PGLS: variants seen among roughly 807,000 people sequenced by gnomAD.
PGLS encodes the protein 6-phosphogluconolactonase.
In PGLS, 21 loss-of-function variants were observed where a neutral mutation model predicts 23.2. The ratio of observed to expected loss-of-function variants is 0.91; its 90% CI spans 0.64 to 1.31. The LOEUF (loss-of-function observed/expected upper bound fraction) is 1.31, where lower values mean the gene tolerates loss of function less well. Among genes scored for constraint, PGLS ranks in the 50% most tolerant of loss-of-function variants. The pLI is 0.00. For synonymous variants in PGLS, 179 were observed against 165.4 expected (o/e 1.08, Z -0.63); for missense variants, 410 against 354.0 (o/e 1.16, Z -1.27).
chr19:17,517,536 A>G (rs1387292950), intron 3 of PGLS, 147 bp downstream of exon 3: 2 of 948,976 alleles, frequency 2.1e-6, no homozygotes, highest in Admixed American at 4.5e-5. Context: ...TGCTGGGCTC[A>G]ATCCTTTCAG....
At position 17,517,761 on chromosome 19, in the gene PGLS, C is replaced by T. The variant is rs371336121; in HGVS notation, c.550C>T (p.Gln184Ter). The change falls in exon 4 of 5, where the codon CAG becomes TAG. Residue 184 changes from glutamine to a stop codon, truncating the protein, a stop_gained. Coordinates refer to ENST00000252603, the MANE Select transcript of PGLS (RefSeq NM_012088.3). LOFTEE classifies it high-confidence loss of function. ...PISDSPKPPP[Q>*]RVTLTLPVLN... The stretch of plus-strand genomic sequence containing the variant: ...CAGTGACTCCCCGAAGCCACCGCCA[C>T]AGCGTGTGACCCTCACACTACCTGT... 15 of 1,613,968 alleles carry T rather than the reference C, an allele frequency of 9.3e-6. No individual in the cohort carries two copies. The highest frequency in any genetic ancestry group is 1.2e-5 in the Non-Finnish European group (14 of 1,179,970).
chr19:17,517,778 A>G lies in PGLS; in HGVS notation c.567A>G (p.Thr189=), dbSNP rs6743. The G allele has an allele frequency of 0.55, 881,633 of 1,613,680 alleles. 244,768 individuals carry two copies. Among genetic ancestry groups the G allele is most frequent in the African/African-American group, 0.79 (58,918 of 74,954 alleles). The change falls in exon 4 of 5, where the codon ACA becomes ACG. Residue 189 remains threonine (T), a synonymous_variant. Coordinates refer to ENST00000252603, the MANE Select transcript of PGLS (RefSeq NM_012088.3). Reference sequence around the variant, plus strand: ...CACCGCCACAGCGTGTGACCCTCACACTACCTGTCCTGAATGCAGCACGAA... The same window carrying G: ...CACCGCCACAGCGTGTGACCCTCACGCTACCTGTCCTGAATGCAGCACGAA... ...PKPPPQRVTL[T]LPVLNAARTV...
chr19:17,520,825 C>A, intron 4 of PGLS, 119 bp from the exon 5 acceptor site: 1 of 1,122,486 alleles, frequency 8.9e-7, no homozygotes, highest in Non-Finnish European at 1.2e-6. Flanking sequence ...CTGAGCTGGG[C>A]ATTGTCACAT....
chr19:17,518,542 T>A (rs1446409335), intron 4 of PGLS: 2 of 152,102 alleles, frequency 1.3e-5, no homozygotes, highest in African/African-American at 4.8e-5. Context: ...TTTGTGTTAT[T>A]GTTGTTGAGA....
chr19:17,512,002 C>T, intron 1 of PGLS, 42 bp downstream of exon 1: 1 of 1,510,118 alleles, frequency 6.6e-7, no homozygotes, highest in Non-Finnish European at 8.9e-7. Context: ...CCGAGAGGGC[C>T]ACAGCCACCG....
chr19:17,517,244 C>T, intron 2 of PGLS, 44 bp from the exon 3 acceptor site: 2 of 1,276,286 alleles, frequency 1.6e-6, no homozygotes, highest in Non-Finnish European at 2.3e-6. Context: ...TCCCCTGCCC[C>T]TGCCACCTAC....
At chr19:17,517,928 T>C (rs8104468) in intron 4 of PGLS, 78 bp downstream of exon 4, 669,924 of 1,488,418 alleles carry the variant, frequency 0.45, 153,098 homozygotes, top group Non-Finnish European at 0.47. Context: ...CCAGACATTA[T>C]TGTGCTGAAG....
chr19:17,516,479 C>G, intron 2 of PGLS, 199 bp downstream of exon 2: 2 of 1,387,874 alleles, frequency 1.4e-6, no homozygotes, highest in Non-Finnish European at 1.9e-6. Context: ...GCCCAGGTAA[C>G]AGGCCTGGGT....
intron 4 of PGLS, among the ~76,000 whole-genome samples, chr19:17,520,130 A>T (rs1192549390): frequency 6.6e-6 from 1 of 150,804 alleles, no homozygotes; most frequent in African/African-American, 2.5e-5. Context: ...TCCAGCCTGG[A>T]TGACAGCGCA....
chr19:17,516,242 G>A lies in PGLS; in HGVS notation c.358G>A (p.Glu120Lys). ...VITINPELPV[E>K]EAAEDYAKKL... ...CACCATTAACCCCGAGCTGCCTGTG[G>A]AGGAGGCGGCTGAGGACTACGCCAA... The change falls in exon 2 of 5, where the codon GAG (glutamate) becomes AAG (lysine). Residue 120 changes from glutamate (E) to lysine (K), a missense_variant. Transcript: ENST00000252603. 1 of 1,614,054 alleles carries A rather than the reference G, an allele frequency of 6.2e-7. No homozygotes were observed. Among genetic ancestry groups the A allele is most frequent in the South Asian group, 1.1e-5 (1 of 91,072 alleles).
At chr19:17,517,962 T>A in intron 4 of PGLS, 112 bp downstream of exon 4, 1 of 1,014,298 alleles carries the variant, frequency 9.9e-7, no homozygotes, top group Non-Finnish European at 1.4e-6. Flanking sequence ...GAAAACTCAG[T>A]CATTCTTGGG....
Position 17,521,224 on chromosome 19 carries a change from A to C in PGLS, c.*143A>C. ...CCAACAGCCTCCGGCCAGCAGCCCT[A>C]CCCGGGGCTCAACACACAGGCTGTG... On this transcript the variant is annotated 3_prime_UTR_variant, in exon 5 of 5. Coordinates refer to ENST00000252603, the MANE Select transcript of PGLS (RefSeq NM_012088.3). 1.3e-6 allele frequency: 1 copy of C among 792,970 alleles called. No homozygotes were observed. The highest frequency in any genetic ancestry group is 1.9e-5 in the South Asian group (1 of 52,892). 49.1% of individuals were successfully genotyped at this position (792,970 alleles called of 1,614,324 possible).
chr19:17,515,465 A>C (rs2075528088), intron 1 of PGLS, among the ~76,000 whole-genome samples: 1 of 152,050 alleles, frequency 6.6e-6, no homozygotes, highest in East Asian at 1.9e-4. Context: ...AGTGCTTTTG[A>C]GTTAAATCTG....
chr19:17,517,799 A>G lies in PGLS; in HGVS notation c.588A>G (p.Ala196=). ...TCACACTACCTGTCCTGAATGCAGC[A>G]CGAACTGTCATCTTTGTGGCAACTG... ...VTLTLPVLNA[A]RTVIFVATGE... The change falls in exon 4 of 5, where the codon GCA becomes GCG. Residue 196 remains alanine (A), a synonymous_variant. Transcript: ENST00000252603. 6.2e-7 allele frequency: 1 copy of G among 1,614,168 alleles called. No individual in the cohort carries two copies. Among genetic ancestry groups the G allele is most frequent in the Non-Finnish European group, 8.5e-7 (1 of 1,180,024 alleles).
chr19:17,512,021 C>T, intron 1 of PGLS, 61 bp downstream of exon 1: 2 of 1,461,924 alleles, frequency 1.4e-6, no homozygotes, highest in Non-Finnish European at 1.8e-6. Context: ...CGCCTACACC[C>T]CGGCTACGGA....
chr19:17,518,197 AG>A (rs1322685202), intron 4 of PGLS: 4 of 171,778 alleles, frequency 2.3e-5, no homozygotes, highest in Non-Finnish European at 4.9e-5. Context: ...CTGTAGAATT[AG>A]AAAAAGGACA....
At position 17,511,877 on chromosome 19, in the gene PGLS, A is replaced by G. The variant is rs540004146; in HGVS notation, c.205A>G (p.Ser69Gly). The change falls in exon 1 of 5, where the codon AGC becomes GGC. Residue 69 changes from serine to glycine, a missense_variant. Physicochemically the swap from Ser to Gly is moderately conservative, Grantham distance 56 (BLOSUM62 0). Transcript: ENST00000252603. ...CGCCGTCGCCCCTGCCGGGCCAGCT[A>G]GCTTAGCGCGCTGGACGCTGGGCTT... ...PAAVAPAGPA[S>G]LARWTLGFCD... 1 of 1,539,228 alleles carries G rather than the reference A, an allele frequency of 6.5e-7. No homozygotes were observed. The highest frequency in any genetic ancestry group is 8.7e-7 in the Non-Finnish European group (1 of 1,144,268).
chr19:17,512,058 CCG>C, intron 1 of PGLS, 98 bp downstream of exon 1: 1 of 1,284,328 alleles, frequency 7.8e-7, no homozygotes, highest in Non-Finnish European at 1.0e-6. Context: ...GCCGAAAGGG[CCG>C]CGCCCACTGT....
Position 17,521,154 on chromosome 19 carries a change from T to C in PGLS, c.*73T>C. The stretch of plus-strand genomic sequence containing the variant: ...GCTGGGCCCCTGCTGGCCGCCACTC[T>C]CCGGGCTCTCCTTTCAAAAAGCCAC... On this transcript the variant is annotated 3_prime_UTR_variant, in exon 5 of 5. Transcript: ENST00000252603. 1.6e-5 allele frequency: 22 copies of C among 1,404,000 alleles called. No individual in the cohort carries two copies. The highest frequency in any genetic ancestry group is 2.1e-5 in the Non-Finnish European group (22 of 1,060,456). 87.0% of individuals were successfully genotyped at this position (1,404,000 alleles called of 1,614,324 possible).
Sources: allele counts gnomAD v4.1 joint callset (sites outside exome capture counted in the v4.1 genomes callset), GRCh38; gene constraint gnomAD v4.1.1; transcripts MANE v1.5; gene names NCBI Gene and HGNC (gene_info 2026-07-23, HGNC 2026-07-21).